IPP: variants seen among roughly 807,000 people sequenced by gnomAD.
IPP encodes actin-binding protein IPP.
A neutral mutation model predicts 64.1 loss-of-function variants in IPP; 41 were observed. The ratio of observed to expected loss-of-function variants is 0.64; its 90% CI spans 0.50 to 0.83. The LOEUF (loss-of-function observed/expected upper bound fraction) is 0.83, where lower values mean the gene tolerates loss of function less well. IPP is among the 40% of genes least tolerant of loss of function. The pLI, the probability that IPP is intolerant of heterozygous loss-of-function variation, is 0.00. For synonymous variants in IPP, 214 were observed against 235.2 expected (o/e 0.91, Z 0.83); for missense variants, 649 against 703.0 (o/e 0.92, Z 0.87).
Position 45,729,762 on chromosome 1 carries a change from G to T in IPP, c.732C>A (p.Ser244=). The T allele has an allele frequency of 6.4e-7, 1 of 1,563,100 alleles. No individual in the cohort carries two copies. The highest frequency in any genetic ancestry group is 1.2e-5 in the South Asian group (1 of 84,640). Residue 244 remains serine, a synonymous_variant, in exon 4 of 9, where the codon TCC becomes TCA. Coordinates refer to ENST00000396478, the MANE Select transcript of IPP (RefSeq NM_005897.3). The part of the protein sequence containing the change: ...QRLLKYIEGV[S]DFNLRVALQT... ...GCAATGCAACACGAAGATTAAAATC[G>T]GATACTCCTAAAACAATATTTAAAA...
At chr1:45,698,206 C>T (rs559861398), downstream of IPP, among the ~76,000 whole-genome samples, 2 of 152,014 alleles carry the variant, frequency 1.3e-5, no homozygotes, top group Non-Finnish European at 2.9e-5. Flanking sequence ...GCAGGAGAAT[C>T]GCTTGAATCC....
chr1:45,747,957 G>T (rs1294554068), intron 1 of IPP, among the ~76,000 whole-genome samples: 1 of 151,514 alleles, frequency 6.6e-6, no homozygotes. Flanking sequence ...AATGACAATG[G>T]GTAATAAGAC....
In IPP at chr1:45,741,300, C is replaced by T; in HGVS notation, c.325G>A (p.Glu109Lys). The change falls in exon 3 of 9, where the codon GAG becomes AAG. Residue 109 changes from glutamate (E) to lysine (K), a missense_variant. Glu to Lys is a moderately conservative substitution (Grantham distance 56, BLOSUM62 1). Transcript: ENST00000396478. The stretch of plus-strand genomic sequence containing the variant: ...AGCATGTCTGCTGCAATAATCAACT[C>T]CTGGACATTATTCACACCTATGTTC... ...IVNIGVNNVQELIIAADMLQL... is the reference protein window; with the variant it reads ...IVNIGVNNVQKLIIAADMLQL... 1 of 1,613,400 alleles carries T rather than the reference C, an allele frequency of 6.2e-7. No homozygotes were observed. The highest frequency in any genetic ancestry group is 1.1e-5 in the South Asian group (1 of 91,018).
intron 4 of IPP, among the ~76,000 whole-genome samples, 192 bp from the exon 5 acceptor site, chr1:45,727,990 T>G (rs1181837027): frequency 6.6e-6 from 1 of 152,202 alleles, no homozygotes; most frequent in Non-Finnish European, 1.5e-5. Flanking sequence ...AGCCTCAGTG[T>G]TTTACCACTT....
intron 2 of IPP, 86 bp from the exon 3 acceptor site, chr1:45,741,418 C>G (rs1267452612): frequency 3.1e-6 from 3 of 952,428 alleles, no homozygotes; most frequent in Non-Finnish European, 4.7e-6. Flanking sequence ...CTTGATTTCA[C>G]TGATAGTTTG....
chr1:45,743,141 T>TCCCTAC (rs1646088633), intron 2 of IPP, among the ~76,000 whole-genome samples: 1 of 151,822 alleles, frequency 6.6e-6, no homozygotes, highest in African/African-American at 2.4e-5. Context: ...TTTCACCATG[T>TCCCTAC]TGGTCAGGCT....
chr1:45,716,875 A>G lies in IPP; in HGVS notation c.1309+20T>C, dbSNP rs1160607411. ...TTTCAGAACTACATTTTGAGGAAAA[A>G]TATTTTATAAAGTGATTACCTTGCA... On this transcript the variant is annotated intron_variant, in intron 7 of 8. Transcript: ENST00000396478. 1 of 1,588,290 alleles carries G rather than the reference A, an allele frequency of 6.3e-7. No individual in the cohort carries two copies. The highest frequency in any genetic ancestry group is 1.9e-5 in the Admixed American group (1 of 52,578).
At chr1:45,702,735 A>G in intron 8 of IPP, among the ~76,000 whole-genome samples, 1 of 152,016 alleles carries the variant, frequency 6.6e-6, no homozygotes, top group East Asian at 1.9e-4. Context: ...GATTACAGGC[A>G]TGAGCCACTG....
chr1:45,705,738 G>A (rs931845551), intron 8 of IPP, among the ~76,000 whole-genome samples: 4 of 152,150 alleles, frequency 2.6e-5, no homozygotes, highest in African/African-American at 9.7e-5. Context: ...CCCAGGAAGT[G>A]GAGGCTGCAG....
Position 45,741,184 on chromosome 1 carries a change from C to G in IPP, c.441G>C (p.Glu147Asp). ...CCAAGAGATCATGGCAGGCAATTTG[C>G]TCAGAGAACTGAAAAATTCCAATGC... ...LNCIGIFQFS[E>D]QIACHDLLEF... Residue 147 changes from glutamate (E) to aspartate (D), a missense_variant, in exon 3 of 9, where the codon GAG (glutamate) becomes GAC (aspartate). Physicochemically the swap from Glu to Asp is conservative, Grantham distance 45. Coordinates refer to ENST00000396478, the MANE Select transcript of IPP (RefSeq NM_005897.3). 6.2e-7 allele frequency: 1 copy of G among 1,614,158 alleles called. No individual in the cohort carries two copies. Among genetic ancestry groups the G allele is most frequent in the South Asian group, 1.1e-5 (1 of 91,088 alleles).
Position 45,741,176 on chromosome 1 carries a change from G to A in IPP, c.449C>T (p.Ala150Val), listed in dbSNP as rs146422435. Residue 150 changes from alanine to valine, a missense_variant, in exon 3 of 9, where the codon GCC (alanine) becomes GTC (valine). Physicochemically the swap from Ala to Val is moderately conservative, Grantham distance 64. Coordinates refer to ENST00000396478, the MANE Select transcript of IPP (RefSeq NM_005897.3). ...IGIFQFSEQI[A>V]CHDLLEFSEN... The stretch of plus-strand genomic sequence containing the variant: ...TGAGAATTCCAAGAGATCATGGCAG[G>A]CAATTTGCTCAGAGAACTGAAAAAT... 46 of 1,614,038 alleles carry A rather than the reference G, an allele frequency of 2.8e-5. No individual in the cohort carries two copies. Among genetic ancestry groups the A allele is most frequent in the Non-Finnish European group, 3.8e-5 (45 of 1,180,022 alleles).
At chr1:45,740,480 G>A (rs1168468856) in intron 3 of IPP, among the ~76,000 whole-genome samples, 4 of 151,986 alleles carry the variant, frequency 2.6e-5, no homozygotes, top group Non-Finnish European at 4.4e-5. Flanking sequence ...TCCCGAACGG[G>A]GCGGCTGGCC....
downstream of IPP, among the ~76,000 whole-genome samples, chr1:45,695,263 C>T (rs1645377002): frequency 6.6e-6 from 1 of 152,136 alleles, no homozygotes; most frequent in South Asian, 2.1e-4. Flanking sequence ...CTCCTGGGCT[C>T]AAGCAATTCT....
rs997486936 is a variant in IPP at position 45,739,867 on chromosome 1, G to T, written c.724+1034C>A. Among the ~76,000 whole-genome samples the T allele has an allele frequency of 2.7e-5, 4 of 146,680 alleles. No homozygotes were observed. In the South Asian group the frequency reaches 8.5e-4, roughly 31 times the overall value. ...AATTGATCATTCTTGGGTGTTTCTC[G>T]TAGAGGGGGATTTGGCAGGGTCATA... is the stretch of plus-strand genomic sequence containing the variant. On this transcript the variant is annotated intron_variant, in intron 3 of 8. Transcript: ENST00000396478.
At chr1:45,708,553 C>G (rs903773682) in intron 8 of IPP, among the ~76,000 whole-genome samples, 5 of 150,418 alleles carry the variant, frequency 3.3e-5, no homozygotes, top group Non-Finnish European at 7.4e-5. Context: ...GTGGTACACA[C>G]CTGTAATACC....
chr1:45,736,206 C>T (rs1432594699), intron 3 of IPP, among the ~76,000 whole-genome samples: 1 of 152,070 alleles, frequency 6.6e-6, no homozygotes, highest in East Asian at 1.9e-4. Flanking sequence ...GATCATCCCG[C>T]CTTGGCCTCC....
At chr1:45,721,549 C>T (rs761988657) in intron 5 of IPP, among the ~76,000 whole-genome samples, 3 of 152,202 alleles carry the variant, frequency 2.0e-5, no homozygotes, top group Non-Finnish European at 2.9e-5. Context: ...CTGGTTCCTT[C>T]CAGACTTCAT....
chr1:45,702,612 T>A (rs1377462524), intron 8 of IPP, among the ~76,000 whole-genome samples: 1 of 152,046 alleles, frequency 6.6e-6, no homozygotes, highest in Non-Finnish European at 1.5e-5. Flanking sequence ...GCACCACCAC[T>A]CCCAGCTAAT....
chr1:45,706,034 C>T (rs2148549300), intron 8 of IPP, among the ~76,000 whole-genome samples: 1 of 152,242 alleles, frequency 6.6e-6, no homozygotes, highest in South Asian at 2.1e-4. Flanking sequence ...AGGTCCCCTT[C>T]AGTCTTTGAC....
Sources: gnomAD v4.1 joint callset for allele counts (sites outside exome capture counted in the v4.1 genomes callset) on GRCh38, gnomAD v4.1.1 for gene constraint, MANE v1.5 for transcripts, NCBI Gene and HGNC (gene_info 2026-07-23, HGNC 2026-07-21) for gene names.